The following DCAF8L2 variants were observed in gnomAD, a reference collection of about 807,000 sequenced individuals.
DCAF8L2 encodes the protein DDB1- and CUL4-associated factor 8-like protein 2.
For synonymous variants in DCAF8L2, 200 were observed against 190.9 expected, an observed-to-expected ratio of 1.05 and a Z score of -0.39; for missense variants, 430 against 490.7, an observed-to-expected ratio of 0.88 and a Z score of 1.17.
the DCAF8L2 span, among the ~76,000 whole-genome samples, chrX:27,540,519 T>C: frequency 1.2e-3 from 134 of 111,594 alleles, no homozygotes; most frequent in Non-Finnish European, 1.9e-3. Flanking sequence ...CTAAAAACAC[T>C]GATCTCATAG....
chrX:27,548,702 A>G, the DCAF8L2 span, among the ~76,000 whole-genome samples: 5 of 112,075 alleles, frequency 4.5e-5, no homozygotes, highest in Non-Finnish European at 9.4e-5. Flanking sequence ...ATTGGCTATT[A>G]TTGATTATAC....
At chrX:27,675,500 T>C (rs1015914260) in intron 2 of DCAF8L2, among the ~76,000 whole-genome samples, 7 of 112,521 alleles carry the variant, frequency 6.2e-5, no homozygotes, top group African/African-American at 2.3e-4. Context: ...CATGTATTAA[T>C]TTAGTAGAAG....
At chrX:27,635,628 A>G (rs935663918) in intron 2 of DCAF8L2, among the ~76,000 whole-genome samples, 3 of 111,929 alleles carry the variant, frequency 2.7e-5, no homozygotes, top group African/African-American at 6.5e-5. Flanking sequence ...ATTTGCTCCC[A>G]CTAGCCATTC....
the DCAF8L2 span, among the ~76,000 whole-genome samples, chrX:27,556,315 G>T: frequency 9.0e-6 from 1 of 111,469 alleles, no homozygotes; most frequent in Non-Finnish European, 1.9e-5. Flanking sequence ...TACCCCAAAA[G>T]CTCACATGTT....
chrX:27,703,995 T>A (rs1282613829), intron 3 of DCAF8L2, among the ~76,000 whole-genome samples: 1 of 107,642 alleles, frequency 9.3e-6, no homozygotes, highest in African/African-American at 3.5e-5. Flanking sequence ...CATATAGTGA[T>A]AAGGGACTTG....
chrX:27,563,440 A>AG, the DCAF8L2 span, among the ~76,000 whole-genome samples: 1 of 112,003 alleles, frequency 8.9e-6, no homozygotes, highest in African/African-American at 3.2e-5. Context: ...ACTAGCCTTG[A>AG]GGGGGGACCA....
the DCAF8L2 span, among the ~76,000 whole-genome samples, chrX:27,550,074 T>C: frequency 8.9e-6 from 1 of 111,963 alleles, no homozygotes; most frequent in Non-Finnish European, 1.9e-5. Flanking sequence ...TGACAGAATC[T>C]GTTTTCTACT....
At chrX:27,583,662 C>T in the DCAF8L2 span, among the ~76,000 whole-genome samples, 1 of 111,132 alleles carries the variant, frequency 9.0e-6, no homozygotes. Context: ...CTGAACTCCA[C>T]CTCCTGTTAG....
At chrX:27,570,756 AT>A in the DCAF8L2 span, among the ~76,000 whole-genome samples, 13 of 111,638 alleles carry the variant, frequency 1.2e-4, no homozygotes, top group South Asian at 4.9e-3. Flanking sequence ...ATGTTTACAA[AT>A]TTTCTCTGTT....
chrX:27,681,371 C>A (rs1389664176), intron 3 of DCAF8L2, among the ~76,000 whole-genome samples: 1 of 111,443 alleles, frequency 9.0e-6, no homozygotes, highest in African/African-American at 3.3e-5. Context: ...TATTTTATCT[C>A]TAGACTGTGA....
intron 1 of DCAF8L2, among the ~76,000 whole-genome samples, chrX:27,622,159 G>C (rs1289042893): frequency 9.0e-6 from 1 of 110,977 alleles, no homozygotes; most frequent in Non-Finnish European, 1.9e-5. Flanking sequence ...TGTGCACCAA[G>C]CAGTATGTAT....
chrX:27,597,678 C>A (rs1010845246), intron 1 of DCAF8L2, among the ~76,000 whole-genome samples: 1 of 112,059 alleles, frequency 8.9e-6, no homozygotes, highest in Non-Finnish European at 1.9e-5. Flanking sequence ...GACTGATGAA[C>A]AATACAATTC....
the DCAF8L2 span, among the ~76,000 whole-genome samples, chrX:27,584,758 A>C: frequency 8.9e-6 from 1 of 112,198 alleles, no homozygotes; most frequent in African/African-American, 3.2e-5. Context: ...TTGTCATTTC[A>C]TAAAAAGAAT....
the DCAF8L2 span, among the ~76,000 whole-genome samples, chrX:27,502,335 A>AAAAAAAAATATATAT: frequency 4.7e-4 from 6 of 12,712 alleles, no homozygotes; most frequent in Non-Finnish European, 9.0e-4. Context: ...AAAAAAAAAA[A>AAAAAAAAATATATAT]ATATATATAT....
the DCAF8L2 span, among the ~76,000 whole-genome samples, chrX:27,576,332 A>C: frequency 8.9e-6 from 1 of 112,110 alleles, no homozygotes; most frequent in Non-Finnish European, 1.9e-5. Context: ...CAGCTGTGTG[A>C]ACTTGGGCAA....
At chrX:27,709,932 C>T (rs778103940) in intron 3 of DCAF8L2, among the ~76,000 whole-genome samples, 2 of 106,788 alleles carry the variant, frequency 1.9e-5, no homozygotes, top group South Asian at 4.0e-4. Context: ...TCTAATAAAT[C>T]GTTGCAAATA....
chrX:27,664,762 G>A (rs1929682331), intron 2 of DCAF8L2, among the ~76,000 whole-genome samples: 1 of 110,918 alleles, frequency 9.0e-6, no homozygotes, highest in African/African-American at 3.3e-5. Flanking sequence ...CCATTCCTAA[G>A]ATCTTAGAGC....
At chrX:27,630,438 A>G (rs996399214) in intron 1 of DCAF8L2, among the ~76,000 whole-genome samples, 1 of 111,727 alleles carries the variant, frequency 9.0e-6, no homozygotes, top group Non-Finnish European at 1.9e-5. Context: ...TATACCAAAC[A>G]TTTCAAGAAG....
intron 4 of DCAF8L2, among the ~76,000 whole-genome samples, chrX:27,727,727 C>T (rs976785131): frequency 1.8e-5 from 2 of 111,574 alleles, no homozygotes; most frequent in African/African-American, 6.5e-5. Context: ...ATTGAATTTA[C>T]TAATCAATTT....
Sources: allele counts gnomAD v4.1 joint callset (sites outside exome capture counted in the v4.1 genomes callset), GRCh38; gene constraint gnomAD v4.1.1; transcripts MANE v1.5; gene names NCBI Gene and HGNC (gene_info 2026-07-23, HGNC 2026-07-21).